OR8K5: variants seen among roughly 807,000 people sequenced by gnomAD.
OR8K5 encodes olfactory receptor 8K5.
For synonymous variants in OR8K5, 154 were observed against 133.7 expected (o/e 1.15, Z -1.05); for missense variants, 433 against 363.9 (o/e 1.19, Z -1.54).
chr11:56,160,259 C>T lies in OR8K5; in HGVS notation c.59G>A (p.Arg20Gln), dbSNP rs568904823. Residue 20 changes from arginine (R) to glutamine (Q), a missense_variant, in exon 1 of 1, where the codon CGG becomes CAG. Physicochemically the swap from Arg to Gln is conservative, Grantham distance 43 (BLOSUM62 1). Transcript: ENST00000313447. ...AAAAAGGGGAATCTGCAGCTCAGGCCGCCTTGTGAGTTCCATCAGAATGAA... is the reference window on the plus strand; with the variant it reads ...AAAAAGGGGAATCTGCAGCTCAGGCTGCCTTGTGAGTTCCATCAGAATGAA... ...TEFILMELTR[R>Q]PELQIPLFGV... 3.1e-5 allele frequency: 50 copies of T among 1,613,988 alleles called. No homozygotes were observed. The East Asian group carries it at 6.7e-4, about 22-fold the overall frequency.
In OR8K5 at chr11:56,160,029, A is replaced by G; in HGVS notation, c.289T>C (p.Cys97Arg). The change falls in exon 1 of 1, where the codon TGT becomes CGT. Residue 97 changes from cysteine (C) to arginine (R), a missense_variant. Physicochemically the swap from Cys to Arg is radical, Grantham distance 180. Coordinates refer to ENST00000313447, the MANE Select transcript of OR8K5 (RefSeq NM_001004058.2). ...AGGAAGAATGCCAGCTGTGCAGCAC[A>G]TGCATAATAGGAAATAGTATTTCGA... Reference protein sequence around the residue: ...VDRNTISYYACAAQLAFFLMF... With the variant: ...VDRNTISYYARAAQLAFFLMF... 6.2e-7 allele frequency: 1 copy of G among 1,614,180 alleles called. No individual in the cohort carries two copies. The highest frequency in any genetic ancestry group is 2.2e-5 in the East Asian group (1 of 44,880).
Position 56,159,696 on chromosome 11 carries a change from T to G in OR8K5, c.622A>C (p.Ile208Leu), listed in dbSNP as rs1854535427. 2 of 1,613,738 alleles carry G rather than the reference T, an allele frequency of 1.2e-6. No homozygotes were observed. The highest frequency in any genetic ancestry group is 1.7e-6 in the Non-Finnish European group (2 of 1,179,728). The change falls in exon 1 of 1, where the codon ATC becomes CTC. Residue 208 changes from isoleucine to leucine, a missense_variant. Coordinates refer to ENST00000313447, the MANE Select transcript of OR8K5 (RefSeq NM_001004058.2). Reference sequence around the variant, plus strand: ...ACTAAGACTATCAGAAAGGAGGAGATCAAATTAAATACAGAAAATAGTATG... The same window carrying G: ...ACTAAGACTATCAGAAAGGAGGAGAGCAAATTAAATACAGAAAATAGTATG... ...LSILFSVFNL[I>L]SSFLIVLVSY...
Position 56,160,038 on chromosome 11 carries a change from A to G in OR8K5, c.280T>C (p.Tyr94His). 6.2e-7 allele frequency: 1 copy of G among 1,614,172 alleles called. No individual in the cohort carries two copies. Among genetic ancestry groups the G allele is most frequent in the Non-Finnish European group, 8.5e-7 (1 of 1,179,994 alleles). ...NFVVDRNTIS[Y>H]YACAAQLAFF... ...GCCAGCTGTGCAGCACATGCATAATAGGAAATAGTATTTCGATCCACAACA... is the reference window on the plus strand; with the variant it reads ...GCCAGCTGTGCAGCACATGCATAATGGGAAATAGTATTTCGATCCACAACA... Residue 94 changes from tyrosine (Y) to histidine (H), a missense_variant, in exon 1 of 1, where the codon TAT (tyrosine) becomes CAT (histidine). Coordinates refer to ENST00000313447, the MANE Select transcript of OR8K5 (RefSeq NM_001004058.2).
At position 56,159,989 on chromosome 11, in the gene OR8K5, C is replaced by G; in HGVS notation, c.329G>C (p.Ser110Thr). The change falls in exon 1 of 1, where the codon AGT (serine) becomes ACT (threonine). Residue 110 changes from serine to threonine, a missense_variant. Physicochemically the swap from Ser to Thr is moderately conservative, Grantham distance 58. Coordinates refer to ENST00000313447, the MANE Select transcript of OR8K5 (RefSeq NM_001004058.2). ...QLAFFLMFII[S>T]EFFILSAMAY... ...CATGGCTGACAGGATGAAAAATTCA[C>G]TGATAATGAACATAAGGAAGAATGC... The G allele has an allele frequency of 1.9e-6, 3 of 1,613,996 alleles. No individual in the cohort carries two copies. The highest frequency in any genetic ancestry group is 1.7e-6 in the Non-Finnish European group (2 of 1,179,902).
rs767461136 is a variant in OR8K5, at chr11:56,159,732, C to A, written c.586G>T (p.Glu196Ter). The A allele has an allele frequency of 6.2e-7, 1 of 1,613,630 alleles. No individual in the cohort carries two copies. Among genetic ancestry groups the A allele is most frequent in the African/African-American group, 1.3e-5 (1 of 75,048 alleles). ...ACAGAAAATAGTATGCTCAACAATT[C>A]TATTTCCTGTGCATTTGAGCAAAGC... is the stretch of plus-strand genomic sequence containing the variant. ...PMLCSNAQEI[E>*]LLSILFSVFN... Residue 196 changes from glutamate (E) to a stop codon, truncating the protein, a stop_gained, in exon 1 of 1, where the codon GAA becomes TAA. Coordinates refer to ENST00000313447, the MANE Select transcript of OR8K5 (RefSeq NM_001004058.2). LOFTEE classifies it low-confidence loss of function (END_TRUNC).
chr11:56,159,613 T>G lies in OR8K5; in HGVS notation c.705A>C (p.Lys235Asn). 1.2e-6 allele frequency: 2 copies of G among 1,614,022 alleles called. No individual in the cohort carries two copies. The highest frequency in any genetic ancestry group is 1.7e-5 in the Admixed American group (1 of 60,014). The change falls in exon 1 of 1, where the codon AAA becomes AAC. Residue 235 changes from lysine (K) to asparagine (N), a missense_variant. Transcript: ENST00000313447. ...ICQMHSAEGR[K>N]KAFSTCGSHL... The stretch of plus-strand genomic sequence containing the variant: ...GGGAACCACATGTGGAGAAAGCCTT[T>G]TTCCTGCCCTCTGCAGAATGCATTT...
Position 56,160,219 on chromosome 11 carries a change from G to A in OR8K5, c.99C>T (p.Val33=), listed in dbSNP as rs1854542523. The change falls in exon 1 of 1, where the codon GTC becomes GTT. Residue 33 remains valine (V), a synonymous_variant. Transcript: ENST00000313447. ...TGCCCACCACTGTGATTAGGTAGAT[G>A]ACGAGGAAGACTCCAAAAAGGGGAA... The part of the protein sequence containing the change: ...LQIPLFGVFL[V]IYLITVVGNL... 3 of 1,613,868 alleles carry A rather than the reference G, an allele frequency of 1.9e-6. No individual in the cohort carries two copies. Among genetic ancestry groups the A allele is most frequent in the African/African-American group, 2.7e-5 (2 of 74,932 alleles).
chr11:56,159,762 G>A lies in OR8K5; in HGVS notation c.556C>T (p.Pro186Ser). 1 of 1,613,916 alleles carries A rather than the reference G, an allele frequency of 6.2e-7. No homozygotes were observed. Among genetic ancestry groups the A allele is most frequent in the African/African-American group, 1.3e-5 (1 of 75,022 alleles). The change falls in exon 1 of 1, where the codon CCT (proline) becomes TCT (serine). Residue 186 changes from proline (P) to serine (S), a missense_variant. Coordinates refer to ENST00000313447, the MANE Select transcript of OR8K5 (RefSeq NM_001004058.2). ...HFYCDDVPLL[P>S]MLCSNAQEIE... The stretch of plus-strand genomic sequence containing the variant: ...TCCTGTGCATTTGAGCAAAGCATAG[G>A]TAGCAAAGGAACATCATCACAGTAA...
At position 56,159,504 on chromosome 11, in the gene OR8K5, T is replaced by C. The variant is rs1313654551; in HGVS notation, c.814A>G (p.Lys272Glu). ...PNSTHFFDTD[K>E]MASVFYTLVI... Reference sequence around the variant, plus strand: ...AAAGTGTAAAACACAGAAGCCATTTTATCAGTATCAAAGAAGTGAGTGGAA... The same window carrying C: ...AAAGTGTAAAACACAGAAGCCATTTCATCAGTATCAAAGAAGTGAGTGGAA... Residue 272 changes from lysine (K) to glutamate (E), a missense_variant, in exon 1 of 1, where the codon AAA becomes GAA. Lys to Glu is a moderately conservative substitution (Grantham distance 56). Coordinates refer to ENST00000313447, the MANE Select transcript of OR8K5 (RefSeq NM_001004058.2). The C allele has an allele frequency of 1.2e-6, 2 of 1,613,882 alleles. No individual in the cohort carries two copies. The highest frequency in any genetic ancestry group is 2.2e-5 in the South Asian group (2 of 91,082).
In OR8K5 at chr11:56,160,227, A is replaced by G. The variant is rs1854542715; in HGVS notation, c.91T>C (p.Phe31Leu). 1.2e-6 allele frequency: 2 copies of G among 1,614,058 alleles called. No homozygotes were observed. Among genetic ancestry groups the G allele is most frequent in the Non-Finnish European group, 1.7e-6 (2 of 1,179,900 alleles). Residue 31 changes from phenylalanine (F) to leucine (L), a missense_variant, in exon 1 of 1, where the codon TTC (phenylalanine) becomes CTC (leucine). By Grantham distance (22) the Phe-to-Leu change is conservative. Coordinates refer to ENST00000313447, the MANE Select transcript of OR8K5 (RefSeq NM_001004058.2). The part of the protein sequence containing the change: ...PELQIPLFGV[F>L]LVIYLITVVG... ...ACTGTGATTAGGTAGATGACGAGGA[A>G]GACTCCAAAAAGGGGAATCTGCAGC... is the stretch of plus-strand genomic sequence containing the variant.
Position 56,160,238 on chromosome 11 carries a change from A to G in OR8K5, c.80T>C (p.Leu27Pro). The G allele has an allele frequency of 6.2e-7, 1 of 1,614,078 alleles. No individual in the cohort carries two copies. The highest frequency in any genetic ancestry group is 8.5e-7 in the Non-Finnish European group (1 of 1,179,898). ...LTRRPELQIPLFGVFLVIYLI... is the reference protein window; with the variant it reads ...LTRRPELQIPPFGVFLVIYLI... Reference sequence around the variant, plus strand: ...GTAGATGACGAGGAAGACTCCAAAAAGGGGAATCTGCAGCTCAGGCCGCCT... The same window carrying G: ...GTAGATGACGAGGAAGACTCCAAAAGGGGGAATCTGCAGCTCAGGCCGCCT... The change falls in exon 1 of 1, where the codon CTT (leucine) becomes CCT (proline). Residue 27 changes from leucine (L) to proline (P), a missense_variant. By Grantham distance (98) the Leu-to-Pro change is moderately conservative. Transcript: ENST00000313447.
chr11:56,159,777 C>T lies in OR8K5; in HGVS notation c.541G>A (p.Asp181Asn), dbSNP rs1854536450. The T allele has an allele frequency of 6.2e-7, 1 of 1,613,862 alleles. No individual in the cohort carries two copies. Among genetic ancestry groups the T allele is most frequent in the Admixed American group, 1.7e-5 (1 of 59,990 alleles). ...CAAAGCATAGGTAGCAAAGGAACAT[C>T]ATCACAGTAAAAATGACTGATGACA... ...SNVISHFYCD[D>N]VPLLPMLCSN... is the part of the protein sequence containing the mutation. The change falls in exon 1 of 1, where the codon GAT becomes AAT. Residue 181 changes from aspartate (D) to asparagine (N), a missense_variant. Physicochemically the swap from Asp to Asn is conservative, Grantham distance 23. Transcript: ENST00000313447.
rs148293568 is a variant in OR8K5, at chr11:56,159,614, T to G, written c.704A>C (p.Lys235Thr). ...GGAACCACATGTGGAGAAAGCCTTTTTCCTGCCCTCTGCAGAATGCATTTG... is the reference window on the plus strand; with the variant it reads ...GGAACCACATGTGGAGAAAGCCTTTGTCCTGCCCTCTGCAGAATGCATTTG... ...ICQMHSAEGR[K>T]KAFSTCGSHL... is the part of the protein sequence containing the mutation. Residue 235 changes from lysine to threonine, a missense_variant, in exon 1 of 1, where the codon AAA (lysine) becomes ACA (threonine). Coordinates refer to ENST00000313447, the MANE Select transcript of OR8K5 (RefSeq NM_001004058.2). The G allele has an allele frequency of 1.7e-5, 28 of 1,613,926 alleles. No individual in the cohort carries two copies. Among genetic ancestry groups the G allele is most frequent in the Non-Finnish European group, 2.3e-5 (27 of 1,179,922 alleles).
Position 56,159,476 on chromosome 11 carries a change from A to G in OR8K5, c.842T>C (p.Val281Ala), listed in dbSNP as rs1854532240. The G allele has an allele frequency of 1.2e-6, 2 of 1,613,830 alleles. No homozygotes were observed. Among genetic ancestry groups the G allele is most frequent in the Middle Eastern group, 1.7e-4 (1 of 6,060 alleles). Reference sequence around the variant, plus strand: ...AATCAAAGGGTTAAGCATGGGGATTACTAAAGTGTAAAACACAGAAGCCAT... The same window carrying G: ...AATCAAAGGGTTAAGCATGGGGATTGCTAAAGTGTAAAACACAGAAGCCAT... ...DKMASVFYTL[V>A]IPMLNPLIYS... Residue 281 changes from valine (V) to alanine (A), a missense_variant, in exon 1 of 1, where the codon GTA (valine) becomes GCA (alanine). Physicochemically the swap from Val to Ala is moderately conservative, Grantham distance 64. Coordinates refer to ENST00000313447, the MANE Select transcript of OR8K5 (RefSeq NM_001004058.2).
Position 56,160,097 on chromosome 11 carries a change from G to T in OR8K5, c.221C>A (p.Ser74Tyr). 1 of 1,613,912 alleles carries T rather than the reference G, an allele frequency of 6.2e-7. No homozygotes were observed. The highest frequency in any genetic ancestry group is 1.1e-5 in the South Asian group (1 of 91,084). The change falls in exon 1 of 1, where the codon TCT becomes TAT. Residue 74 changes from serine (S) to tyrosine (Y), a missense_variant. Transcript: ENST00000313447. ...RHLAFVDLGN[S>Y]TVICPKVLAN... ...CAGCACCTTGGGACAAATGACAGTA[G>T]AATTACCAAGATCAACAAAAGCCAA...
Position 56,160,293 on chromosome 11 carries a change from G to A in OR8K5, c.25C>T (p.Leu9=), listed in dbSNP as rs749836268. The A allele has an allele frequency of 2.5e-6, 4 of 1,613,584 alleles. No homozygotes were observed. Among genetic ancestry groups the A allele is most frequent in the Middle Eastern group, 1.7e-4 (1 of 6,058 alleles). Residue 9 remains leucine, a synonymous_variant, in exon 1 of 1, where the codon CTA becomes TTA. Transcript: ENST00000313447. ...AGTTCCATCAGAATGAATTCAGTTA[G>A]CACTGTTAGATTGTGTTGGCCCATT... MGQHNLTV[L]TEFILMELTR...
chr11:56,159,800 A>T lies in OR8K5; in HGVS notation c.518T>A (p.Val173Asp). 1 of 1,614,130 alleles carries T rather than the reference A, an allele frequency of 6.2e-7. No individual in the cohort carries two copies. The highest frequency in any genetic ancestry group is 1.3e-5 in the African/African-American group (1 of 75,062). Residue 173 changes from valine to aspartate, a missense_variant, in exon 1 of 1, where the codon GTC (valine) becomes GAC (aspartate). Physicochemically the swap from Val to Asp is radical, Grantham distance 152. Transcript: ENST00000313447. ...IFTLTFCGSN[V>D]ISHFYCDDVP... ...ATCATCACAGTAAAAATGACTGATG[A>T]CATTAGAGCCACAGAAGGTCAATGT...
In OR8K5 at chr11:56,159,690, A is replaced by G; in HGVS notation, c.628T>C (p.Ser210Pro). ...TAGGACACTAAGACTATCAGAAAGG[A>G]GGAGATCAAATTAAATACAGAAAAT... ...ILFSVFNLISSFLIVLVSYML... is the reference protein window; with the variant it reads ...ILFSVFNLISPFLIVLVSYML... Residue 210 changes from serine to proline, a missense_variant, in exon 1 of 1, where the codon TCC becomes CCC. By Grantham distance (74) the Ser-to-Pro change is moderately conservative. Transcript: ENST00000313447. 1 of 1,613,910 alleles carries G rather than the reference A, an allele frequency of 6.2e-7. No homozygotes were observed. Among genetic ancestry groups the G allele is most frequent in the Non-Finnish European group, 8.5e-7 (1 of 1,179,770 alleles).
Position 56,159,932 on chromosome 11 carries a change from G to C in OR8K5, c.386C>G (p.Pro129Arg), listed in dbSNP as rs1854538507. 6.2e-7 allele frequency: 1 copy of C among 1,613,948 alleles called. No homozygotes were observed. The highest frequency in any genetic ancestry group is 1.3e-5 in the African/African-American group (1 of 74,890). Residue 129 changes from proline (P) to arginine (R), a missense_variant, in exon 1 of 1, where the codon CCT becomes CGT. Physicochemically the swap from Pro to Arg is moderately radical, Grantham distance 103. Coordinates refer to ENST00000313447, the MANE Select transcript of OR8K5 (RefSeq NM_001004058.2). Reference protein sequence around the residue: ...AYDRYVAICNPLLYYVIMSQR... With the variant: ...AYDRYVAICNRLLYYVIMSQR... ...AGACATAATAACATAATAGAGCAGA[G>C]GGTTACAAATGGCCACATAGCGGTC... is the stretch of plus-strand genomic sequence containing the variant.
Sources: allele counts gnomAD v4.1 joint callset, GRCh38; gene constraint gnomAD v4.1.1; transcripts MANE v1.5; gene names NCBI Gene and HGNC (gene_info 2026-07-23, HGNC 2026-07-21).